The following ESR1 variants were observed in gnomAD, a reference collection of about 807,000 sequenced individuals.
The protein encoded by ESR1 is estrogen receptor.
A neutral mutation model predicts 52.7 loss-of-function variants in ESR1; 12 were observed. That is an observed-to-expected ratio of 0.23 (90% confidence interval 0.15 to 0.37). ESR1 has a LOEUF of 0.37. Ranked by LOEUF, ESR1 falls within the 10% of genes least tolerant of loss-of-function variation. The pLI is 1.00. For synonymous variants in ESR1, 305 were observed against 316.8 expected, an observed-to-expected ratio of 0.96 and a Z score of 0.39; for missense variants, 584 against 779.7, an observed-to-expected ratio of 0.75 and a Z score of 2.99.
At chr6:151,902,144 T>A (rs1001693586) in intron 3 of ESR1, among the ~76,000 whole-genome samples, 2 of 152,174 alleles carry the variant, frequency 1.3e-5, no homozygotes, top group East Asian at 3.9e-4. Context: ...ATTTAAGATG[T>A]GATCACTGAC....
At chr6:151,721,583 A>G (rs1781466342) in intron 2 of ESR1, among the ~76,000 whole-genome samples, 2 of 152,214 alleles carry the variant, frequency 1.3e-5, no homozygotes, top group Admixed American at 1.3e-4. Flanking sequence ...CTCTTTGCAA[A>G]TCATGGGACT....
At chr6:151,714,693 A>G (rs373898494) in intron 2 of ESR1, among the ~76,000 whole-genome samples, 1 of 151,968 alleles carries the variant, frequency 6.6e-6, no homozygotes, top group African/African-American at 2.4e-5. Context: ...TTGCTTGGTA[A>G]ATCTTCCGCC....
intron 2 of ESR1, among the ~76,000 whole-genome samples, chr6:151,738,047 G>A (rs1230249564): frequency 6.6e-6 from 1 of 152,108 alleles, no homozygotes; most frequent in Non-Finnish European, 1.5e-5. Flanking sequence ...TAAGATGACC[G>A]ACCATTGGTA....
intron 2 of ESR1, among the ~76,000 whole-genome samples, chr6:151,703,609 T>C (rs1471658540): frequency 6.6e-6 from 1 of 152,112 alleles, no homozygotes; most frequent in Admixed American, 6.5e-5. Context: ...TGAGTTTGAT[T>C]CCTCTTTTGG....
chr6:151,904,867 G>T (rs148612185), intron 3 of ESR1, among the ~76,000 whole-genome samples: 82 of 152,168 alleles, frequency 5.4e-4, no homozygotes, highest in African/African-American at 1.9e-3. Flanking sequence ...CTGGTAATGG[G>T]CCAGGAAAGT....
chr6:152,014,080 C>T lies in ESR1; in HGVS notation c.1235+2286C>T, dbSNP rs142622369. ...GGTTTTATAAAGGGGAGTTCCCCTG[C>T]ACACGCTCTCTCTCTTCCCCGTTGC... On this transcript the variant is annotated intron_variant, in intron 5 of 7. Transcript: ENST00000206249. Among the ~76,000 whole-genome samples the T allele has an allele frequency of 4.3e-3, 651 of 152,238 alleles. 1 individual carries two copies. Among genetic ancestry groups the T allele is most frequent in the African/African-American group, 0.015 (607 of 41,568 alleles).
At chr6:151,898,629 T>C (rs1243638950) in intron 3 of ESR1, among the ~76,000 whole-genome samples, 2 of 152,150 alleles carry the variant, frequency 1.3e-5, no homozygotes, top group Non-Finnish European at 2.9e-5. Flanking sequence ...TTCAAGCATC[T>C]GTTTAACAAA....
At chr6:151,756,281 T>C (rs1357128691) in intron 2 of ESR1, among the ~76,000 whole-genome samples, 2 of 152,154 alleles carry the variant, frequency 1.3e-5, no homozygotes, top group Non-Finnish European at 2.9e-5. Context: ...AGAGTATTAC[T>C]CTGTCACTTA....
intron 2 of ESR1, among the ~76,000 whole-genome samples, chr6:151,868,913 T>G (rs1790444523): frequency 6.6e-6 from 1 of 152,150 alleles, no homozygotes; most frequent in African/African-American, 2.4e-5. Flanking sequence ...GGGTCGAAAG[T>G]GTACAAGGGA....
intron 4 of ESR1, among the ~76,000 whole-genome samples, chr6:151,999,493 C>G (rs914262322): frequency 6.6e-6 from 1 of 152,034 alleles, no homozygotes; most frequent in Non-Finnish European, 1.5e-5. Context: ...TTATATATAA[C>G]AAGCATTTCC....
chr6:151,913,216 G>A (rs9340883), intron 3 of ESR1, among the ~76,000 whole-genome samples: 1,528 of 151,916 alleles, frequency 0.01, 21 homozygotes, highest in African/African-American at 0.034. Flanking sequence ...TATGACCCTC[G>A]GCCTCTACTC....
chr6:151,800,684 A>G (rs772699354), upstream of ESR1, among the ~76,000 whole-genome samples: 35 of 152,344 alleles, frequency 2.3e-4, no homozygotes, highest in Non-Finnish European at 4.7e-4. Context: ...ATTTTGTTAC[A>G]GTAGCCTGAG....
chr6:151,919,483 G>A (rs1369767951), intron 3 of ESR1, among the ~76,000 whole-genome samples: 1 of 152,144 alleles, frequency 6.6e-6, no homozygotes, highest in Non-Finnish European at 1.5e-5. Context: ...AGAGGTGGTA[G>A]CTCTGAAAAT....
At chr6:151,942,792 A>G (rs1396399224) in intron 3 of ESR1, among the ~76,000 whole-genome samples, 1 of 152,154 alleles carries the variant, frequency 6.6e-6, no homozygotes, top group African/African-American at 2.4e-5. Context: ...CATGTCTTTG[A>G]TATTAAAAAT....
chr6:151,965,912 A>G (rs938615077), intron 4 of ESR1, among the ~76,000 whole-genome samples: 5 of 152,178 alleles, frequency 3.3e-5, no homozygotes, highest in African/African-American at 9.6e-5. Flanking sequence ...TCAAAACATT[A>G]TTATGTAAAT....
chr6:151,836,091 G>A (rs577714597), intron 1 of ESR1, among the ~76,000 whole-genome samples: 1 of 152,204 alleles, frequency 6.6e-6, no homozygotes, highest in South Asian at 2.1e-4. Context: ...GAGTATTGTT[G>A]ATCTCTCAGA....
At chr6:151,831,123 T>C (rs1782330491) in intron 1 of ESR1, among the ~76,000 whole-genome samples, 1 of 150,930 alleles carries the variant, frequency 6.6e-6, no homozygotes, top group Non-Finnish European at 1.5e-5. Flanking sequence ...CAATAAATAA[T>C]TGTAGACAAT....
intron 6 of ESR1, among the ~76,000 whole-genome samples, chr6:152,110,164 T>C (rs1417253507): frequency 6.6e-6 from 1 of 152,210 alleles, no homozygotes; most frequent in Non-Finnish European, 1.5e-5. Flanking sequence ...CTTCCTGACT[T>C]TAAACATGAG....
chr6:152,128,583 C>T lies in ESR1; in HGVS notation c.*3235C>T, dbSNP rs1057167480. On this transcript the variant is annotated 3_prime_UTR_variant, in exon 7 of 7. Coordinates refer to the ESR1 transcript ENST00000427531. The stretch of plus-strand genomic sequence containing the variant: ...TGACTTTAAACAACAACAAAGAAAC[C>T]AAATGAGTAACTCCTCCCTTCAAAC... 2.0e-5 allele frequency: 3 copies of T among 152,190 alleles called. No homozygotes were observed. In the East Asian group the frequency reaches 5.8e-4, roughly 29 times the overall value. The allele number at this position is 152,190 out of a possible 1,614,324, so 9.4% of individuals were successfully genotyped here. A position where few individuals can be genotyped will look rare whatever the true frequency, so the allele number is the denominator to read the frequency against.
Sources: allele counts gnomAD v4.1 joint callset (sites outside exome capture counted in the v4.1 genomes callset), GRCh38; gene constraint gnomAD v4.1.1; transcripts MANE v1.5; gene names NCBI Gene and HGNC (gene_info 2026-07-23, HGNC 2026-07-21).